The following BAIAP2 variants were observed in gnomAD, a reference collection of about 807,000 sequenced individuals.
BAIAP2 encodes the protein BAR/IMD domain containing adaptor protein 2.
Under a neutral mutation model 63.0 loss-of-function variants are expected in BAIAP2, and 18 were observed. That is an observed-to-expected ratio of 0.29 (90% CI 0.20 to 0.42). BAIAP2 has a LOEUF of 0.42. Among genes scored for constraint, BAIAP2 ranks in the 10% least tolerant of loss-of-function variants. The pLI is 1.00. For synonymous variants in BAIAP2, 386 were observed against 307.6 expected (o/e 1.25, Z -2.67); for missense variants, 610 against 734.3 (o/e 0.83, Z 1.96).
intron 2 of BAIAP2, 127 bp downstream of exon 2, chr17:81,053,870 G>A (rs2049057828): frequency 1.8e-6 from 1 of 569,108 alleles, no homozygotes; most frequent in African/African-American, 2.3e-5. Context: ...CGTGGGGTGG[G>A]AGCTGCCTCC....
chr17:81,105,825 C>T lies in BAIAP2; in HGVS notation c.1269-253C>T. ...AACTGCTCTGCCCGGGCTCTGGGGC[C>T]TTGCAGTTGGGTCTGGTGGGGCCGG... On this transcript the variant is annotated intron_variant, in intron 10 of 13. Coordinates refer to ENST00000428708, the MANE Select transcript of BAIAP2 (RefSeq NM_001144888.2). The T allele has an allele frequency of 6.8e-6, 3 of 439,436 alleles. No homozygotes were observed. The South Asian group carries it at 7.7e-5, about 11-fold the overall frequency. 27.2% of individuals were successfully genotyped at this position (439,436 alleles called of 1,614,324 possible).
chr17:81,044,722 G>C (rs538653764), intron 1 of BAIAP2, among the ~76,000 whole-genome samples: 1 of 152,178 alleles, frequency 6.6e-6, no homozygotes, highest in African/African-American at 2.4e-5. Context: ...ATTGTATTAC[G>C]AGCCTATGAT....
intron 4 of BAIAP2, chr17:81,085,430 C>A (rs8080815): frequency 3.0e-6 from 2 of 675,672 alleles, no homozygotes; most frequent in Admixed American, 4.1e-5. Context: ...TGTTTGGAGG[C>A]GAGATTGTCC....
At chr17:81,098,962 GTCCCCCCATCCCCCCA>G (rs57728912) in intron 6 of BAIAP2, among the ~76,000 whole-genome samples, 58,213 of 137,470 alleles carry the variant, frequency 0.42, 12,248 homozygotes, top group Middle Eastern at 0.53. Flanking sequence ...CATTCTCCCC[GTCCCCCCATCCCCCCA>G]TCCCCCCATC....
At chr17:81,052,903 G>A (rs1225175622) in intron 1 of BAIAP2, among the ~76,000 whole-genome samples, 1 of 152,192 alleles carries the variant, frequency 6.6e-6, no homozygotes, top group African/African-American at 2.4e-5. Context: ...GACACGGGAG[G>A]TGGCTGAGCT....
chr17:81,110,914 C>A (rs761578403), intron 13 of BAIAP2: 1 of 1,613,762 alleles, frequency 6.2e-7, no homozygotes, highest in Non-Finnish European at 8.5e-7. Flanking sequence ...TTCCTTGCAG[C>A]GCCGATGTGG....
rs552017499 is a variant in BAIAP2 at position 81,106,838 on chromosome 17, C to T, written c.1431C>T (p.Ala477=). 3 of 1,610,542 alleles carry T rather than the reference C, an allele frequency of 1.9e-6. No homozygotes were observed. The highest frequency in any genetic ancestry group is 1.3e-5 in the African/African-American group (1 of 75,012). Residue 477 remains alanine, a synonymous_variant, in exon 12 of 14, where the codon GCC becomes GCT. Transcript: ENST00000428708. ...PPPDYGAASR[A]FPAQTASGFK... is the part of the protein sequence containing the mutation. ...CCGATTACGGCGCCGCCTCCCGGGC[C>T]TTCCCCGCCCAGACGGCCAGCGGCT...
intron 1 of BAIAP2, among the ~76,000 whole-genome samples, chr17:81,042,271 T>A (rs1161261630): frequency 6.6e-6 from 1 of 151,678 alleles, no homozygotes; most frequent in Non-Finnish European, 1.5e-5. Context: ...GCCACCTGAG[T>A]AGCTAGGACC....
chr17:81,067,497 G>C (rs1265405816), intron 3 of BAIAP2, among the ~76,000 whole-genome samples: 2 of 152,244 alleles, frequency 1.3e-5, no homozygotes, highest in African/African-American at 4.8e-5. Flanking sequence ...GCTGAGCTCT[G>C]CAGGGAGATT....
At chr17:81,047,894 ATG>A (rs1226489869) in intron 1 of BAIAP2, among the ~76,000 whole-genome samples, 2 of 152,250 alleles carry the variant, frequency 1.3e-5, no homozygotes, top group African/African-American at 4.8e-5. Flanking sequence ...ACACGGATAT[ATG>A]TGCATGCATG....
At chr17:81,059,965 C>T (rs929269663) in intron 3 of BAIAP2, among the ~76,000 whole-genome samples, 2 of 152,128 alleles carry the variant, frequency 1.3e-5, no homozygotes, top group Non-Finnish European at 2.9e-5. Context: ...GGCGCTGAGC[C>T]CACATGGGCA....
At chr17:81,068,646 C>T (rs930937231) in intron 3 of BAIAP2, among the ~76,000 whole-genome samples, 2 of 152,204 alleles carry the variant, frequency 1.3e-5, no homozygotes, top group Non-Finnish European at 2.9e-5. Flanking sequence ...TCTTGTGTCC[C>T]CTGTCCCCGC....
intron 3 of BAIAP2, among the ~76,000 whole-genome samples, chr17:81,064,930 C>T (rs1001379889): frequency 1.3e-5 from 2 of 152,212 alleles, no homozygotes; most frequent in Non-Finnish European, 2.9e-5. Context: ...TCTCACAGCC[C>T]TTCTAATCCC....
chr17:81,074,314 G>C (rs1358262084), intron 3 of BAIAP2, among the ~76,000 whole-genome samples: 2 of 152,226 alleles, frequency 1.3e-5, no homozygotes, highest in African/African-American at 2.4e-5. Context: ...GAGTGCCGGT[G>C]TGTGTGCATG....
chr17:81,092,382 G>T (rs1368221863), intron 6 of BAIAP2, among the ~76,000 whole-genome samples: 1 of 152,204 alleles, frequency 6.6e-6, no homozygotes, highest in Non-Finnish European at 1.5e-5. Flanking sequence ...GCTGAAACAG[G>T]GACACACCAC....
chr17:81,089,061 C>T (rs2056249772), intron 6 of BAIAP2, among the ~76,000 whole-genome samples: 1 of 152,280 alleles, frequency 6.6e-6, no homozygotes, highest in Admixed American at 6.5e-5. Flanking sequence ...GCCCTCCGCG[C>T]TGCTCTGCCG....
intron 13 of BAIAP2, chr17:81,111,097 A>G (rs1327348133): frequency 2.9e-5 from 30 of 1,023,718 alleles, no homozygotes; most frequent in Non-Finnish European, 4.4e-5. Flanking sequence ...CCTGCCTCTC[A>G]CTCTGGGTGC....
At chr17:81,091,251 G>T (rs1434121508) in intron 6 of BAIAP2, among the ~76,000 whole-genome samples, 2 of 145,282 alleles carry the variant, frequency 1.4e-5, no homozygotes, top group East Asian at 4.0e-4. Flanking sequence ...CTTGCCTCGC[G>T]GGGTCTACTG....
intron 3 of BAIAP2, among the ~76,000 whole-genome samples, chr17:81,071,989 C>G (rs1036217767): frequency 5.9e-5 from 9 of 152,252 alleles, no homozygotes; most frequent in Non-Finnish European, 1.0e-4. Flanking sequence ...CCCCCCTCCC[C>G]CTCTGCTTCC....
Sources: allele counts gnomAD v4.1 joint callset (sites outside exome capture counted in the v4.1 genomes callset), GRCh38; gene constraint gnomAD v4.1.1; transcripts MANE v1.5; gene names NCBI Gene and HGNC (gene_info 2026-07-23, HGNC 2026-07-21).